ZNF892: variants seen among roughly 807,000 people sequenced by gnomAD.
ZNF892 encodes the protein zinc finger protein 892.
the ZNF892 span, chr2:95,215,554 T>C: frequency 2.5e-6 from 1 of 405,648 alleles, no homozygotes; most frequent in Middle Eastern, 5.0e-4. Flanking sequence ...GTCCAAGCTC[T>C]TAGTGAGCAT....
At chr2:95,238,965 C>A in the ZNF892 span, among the ~76,000 whole-genome samples, 31 of 151,992 alleles carry the variant, frequency 2.0e-4, no homozygotes, top group African/African-American at 7.0e-4. Flanking sequence ...ATGGTAAAAC[C>A]CCGTCTCTAC....
chr2:95,247,749 A>G, the ZNF892 span, among the ~76,000 whole-genome samples: 1 of 152,248 alleles, frequency 6.6e-6, no homozygotes, highest in Admixed American at 6.5e-5. Flanking sequence ...AATGCCCAAC[A>G]TCAGTAATCA....
At chr2:95,236,700 A>C in the ZNF892 span, among the ~76,000 whole-genome samples, 1 of 152,228 alleles carries the variant, frequency 6.6e-6, no homozygotes, top group Non-Finnish European at 1.5e-5. Context: ...GCTTTCAGGA[A>C]AGCATCAGAG....
At chr2:95,233,347 G>A in the ZNF892 span, among the ~76,000 whole-genome samples, 10 of 151,380 alleles carry the variant, frequency 6.6e-5, no homozygotes, top group Admixed American at 3.3e-4. Context: ...CTACAGGCAC[G>A]TGCCACTAGA....
the ZNF892 span, among the ~76,000 whole-genome samples, chr2:95,210,778 G>C: frequency 6.6e-6 from 1 of 152,122 alleles, no homozygotes; most frequent in African/African-American, 2.4e-5. Flanking sequence ...GCTTATGTTA[G>C]CCACAAGATC....
At chr2:95,212,404 C>G in the ZNF892 span, 1 of 396,508 alleles carries the variant, frequency 2.5e-6, no homozygotes, top group Non-Finnish European at 4.4e-6. Context: ...CACCCCTATG[C>G]CACATCCTAG....
the ZNF892 span, among the ~76,000 whole-genome samples, chr2:95,230,223 G>GTCCTTCCCTCA: frequency 6.6e-6 from 1 of 152,116 alleles, no homozygotes; most frequent in African/African-American, 2.4e-5. Context: ...CAGGGGGAAA[G>GTCCTTCCCTCA]GGTGGGAAGG....
At chr2:95,235,357 TA>T in the ZNF892 span, among the ~76,000 whole-genome samples, 1 of 149,168 alleles carries the variant, frequency 6.7e-6, no homozygotes, top group African/African-American at 2.5e-5. Flanking sequence ...GATGTTCCAG[TA>T]AACTTTTTTT....
At chr2:95,219,401 T>C in the ZNF892 span, among the ~76,000 whole-genome samples, 6 of 152,204 alleles carry the variant, frequency 3.9e-5, no homozygotes, top group Admixed American at 2.6e-4. Context: ...ATTTCAGTTA[T>C]TGTATTTTTC....
the ZNF892 span, among the ~76,000 whole-genome samples, chr2:95,206,625 T>C: frequency 6.6e-6 from 1 of 152,238 alleles, no homozygotes; most frequent in African/African-American, 2.4e-5. Context: ...TAATTAGATA[T>C]ACGGGGTATG....
At chr2:95,235,616 C>A in the ZNF892 span, among the ~76,000 whole-genome samples, 2 of 152,262 alleles carry the variant, frequency 1.3e-5, no homozygotes, top group East Asian at 3.9e-4. Flanking sequence ...CCACCTCGGC[C>A]TCCCAAAATG....
At chr2:95,211,557 C>A in the ZNF892 span, 9 of 397,892 alleles carry the variant, frequency 2.3e-5, 1 homozygote, top group Middle Eastern at 1.9e-3. Context: ...CAGTTTTATT[C>A]CTCTTCAGAG....
the ZNF892 span, among the ~76,000 whole-genome samples, chr2:95,239,120 CAA>C: frequency 8.6e-6 from 1 of 116,658 alleles, no homozygotes; most frequent in Non-Finnish European, 1.7e-5. Flanking sequence ...GCCTGGGTGA[CAA>C]GAGCAAAACT....
the ZNF892 span, among the ~76,000 whole-genome samples, chr2:95,250,039 T>C: frequency 6.6e-6 from 1 of 152,176 alleles, no homozygotes; most frequent in African/African-American, 2.4e-5. Context: ...TTTGTGAAAA[T>C]TTCATGAGAC....
chr2:95,246,062 A>G, the ZNF892 span, among the ~76,000 whole-genome samples: 1 of 152,308 alleles, frequency 6.6e-6, no homozygotes, highest in East Asian at 1.9e-4. Context: ...AGATACAACA[A>G]AAAAAGAAAT....
chr2:95,261,169 G>A, the ZNF892 span, among the ~76,000 whole-genome samples: 2 of 152,202 alleles, frequency 1.3e-5, no homozygotes, highest in Non-Finnish European at 2.9e-5. Context: ...GGCAGGCAGA[G>A]CCCAGAGAGA....
At chr2:95,208,501 A>G in the ZNF892 span, 1 of 396,380 alleles carries the variant, frequency 2.5e-6, no homozygotes, top group Non-Finnish European at 4.4e-6. Context: ...GCAATGGTCA[A>G]GGTGTCTTGA....
At chr2:95,227,379 A>G in the ZNF892 span, among the ~76,000 whole-genome samples, 1 of 152,032 alleles carries the variant, frequency 6.6e-6, no homozygotes, top group Non-Finnish European at 1.5e-5. Context: ...GCTGGAATGC[A>G]GTGGCGCAAT....
chr2:95,240,611 G>A, the ZNF892 span, among the ~76,000 whole-genome samples: 18 of 152,286 alleles, frequency 1.2e-4, no homozygotes, highest in South Asian at 3.1e-3. Flanking sequence ...AGGTCCACTC[G>A]TACATACCTC....
Sources: allele counts gnomAD v4.1 joint callset (sites outside exome capture counted in the v4.1 genomes callset), GRCh38; gene constraint gnomAD v4.1.1; transcripts MANE v1.5; gene names NCBI Gene and HGNC (gene_info 2026-07-23, HGNC 2026-07-21).